The following SYT1 variants were observed in gnomAD, a reference collection of about 807,000 sequenced individuals.
SYT1 encodes the protein synaptotagmin-1.
In SYT1, 8 loss-of-function variants were observed where a neutral mutation model predicts 44.8. That is an observed-to-expected ratio of 0.18 (90% CI 0.10 to 0.32). The LOEUF is 0.32. Ranked by LOEUF, SYT1 falls within the 10% of genes least tolerant of loss-of-function variation. The pLI is 1.00. For synonymous variants in SYT1, 154 were observed against 188.8 expected, an observed-to-expected ratio of 0.82 and a Z score of 1.51; for missense variants, 286 against 509.3, an observed-to-expected ratio of 0.56 and a Z score of 4.22.
chr12:79,299,654 C>T lies in SYT1; in HGVS notation c.810+103C>T, dbSNP rs1362024325. On this transcript the variant is annotated intron_variant, in intron 8 of 10. Coordinates refer to ENST00000261205, the MANE Select transcript of SYT1 (RefSeq NM_005639.3). ...TACTCTTTACAAAGGGGGATGTGGG[C>T]CTCTAGTTGTTGACAGCTGATAAAA... 4.3e-6 allele frequency: 6 copies of T among 1,410,470 alleles called. No individual in the cohort carries two copies. The African/African-American group carries it at 7.3e-5, about 17-fold the overall frequency. The allele number at this position is 1,410,470 out of a possible 1,614,324, so 87.4% of individuals were successfully genotyped here.
intron 9 of SYT1, among the ~76,000 whole-genome samples, chr12:79,412,519 T>C (rs1868494243): frequency 6.6e-6 from 1 of 152,106 alleles, no homozygotes; most frequent in African/African-American, 2.4e-5. Flanking sequence ...CAGTTAATAA[T>C]TGCCTGACCA....
At chr12:78,876,852 T>TATGTATTAC (rs1449615253) in intron 1 of SYT1, among the ~76,000 whole-genome samples, 3,572 of 81,698 alleles carry the variant, frequency 0.044, 622 homozygotes, top group African/African-American at 0.07. Flanking sequence ...ATATATATTA[T>TATGTATTAC]ATATAATATA....
intron 3 of SYT1, among the ~76,000 whole-genome samples, chr12:79,139,365 G>C (rs981701289): frequency 2.0e-5 from 3 of 152,148 alleles, no homozygotes; most frequent in Non-Finnish European, 4.4e-5. Context: ...AGCACTGTCT[G>C]TTCCCTCAGT....
intron 4 of SYT1, among the ~76,000 whole-genome samples, chr12:79,223,768 C>G (rs1428888764): frequency 6.6e-6 from 1 of 152,138 alleles, no homozygotes; most frequent in African/African-American, 2.4e-5. Context: ...CCTCCTGGCA[C>G]CAGGGCAAGT....
chr12:78,952,095 TTGATCA>T (rs1418662361), intron 1 of SYT1, among the ~76,000 whole-genome samples: 4 of 152,114 alleles, frequency 2.6e-5, no homozygotes, highest in Non-Finnish European at 5.9e-5. Context: ...ATGAAGAAGC[TTGATCA>T]TTTACATTAG....
At chr12:79,401,013 TTAAA>T (rs1301932022) in intron 9 of SYT1, among the ~76,000 whole-genome samples, 2 of 152,194 alleles carry the variant, frequency 1.3e-5, no homozygotes, top group African/African-American at 4.8e-5. Context: ...CAATATGATC[TTAAA>T]TAAACCTTTT....
intron 2 of SYT1, among the ~76,000 whole-genome samples, chr12:79,046,666 T>G (rs2137763962): frequency 6.6e-6 from 1 of 152,222 alleles, no homozygotes; most frequent in East Asian, 1.9e-4. Context: ...GCTTGTAATA[T>G]ATACATATTT....
intron 3 of SYT1, chr12:79,103,040 A>G (rs1878526068): frequency 6.6e-6 from 1 of 152,204 alleles, no homozygotes; most frequent in Non-Finnish European, 1.5e-5. Flanking sequence ...ACACAGAGCC[A>G]TTTACCCCAG....
intron 3 of SYT1, among the ~76,000 whole-genome samples, chr12:79,138,431 G>T (rs757288608): frequency 3.9e-5 from 6 of 152,088 alleles, no homozygotes; most frequent in Non-Finnish European, 5.9e-5. Context: ...TTTCCCAAAG[G>T]CAGTAATAAC....
At chr12:79,005,361 A>G (rs1022177065) in intron 2 of SYT1, among the ~76,000 whole-genome samples, 1 of 151,946 alleles carries the variant, frequency 6.6e-6, no homozygotes, top group Non-Finnish European at 1.5e-5. Flanking sequence ...CATGGAATTT[A>G]AGGTCCCACA....
At chr12:79,381,166 ATAT>A (rs1395064428) in intron 9 of SYT1, among the ~76,000 whole-genome samples, 1 of 152,186 alleles carries the variant, frequency 6.6e-6, no homozygotes. Flanking sequence ...ATGGCCTACT[ATAT>A]TATTATGCTG....
In SYT1 at chr12:79,410,294, A is replaced by G. The variant is rs141252032; in HGVS notation, c.929-33779A>G. Reference sequence around the variant, plus strand: ...TACTAAAGAAATACCTTACTTGCCTATCCATCTATTGATTGTGTTGGAGTT... The same window carrying G: ...TACTAAAGAAATACCTTACTTGCCTGTCCATCTATTGATTGTGTTGGAGTT... On this transcript the variant is annotated intron_variant, in intron 9 of 10. Transcript: ENST00000261205. Among the ~76,000 whole-genome samples, 242 of 152,248 alleles carry G rather than the reference A, an allele frequency of 1.6e-3. 4 individuals carry two copies. The highest frequency in any genetic ancestry group is 5.6e-3 in the African/African-American group (231 of 41,556).
intron 9 of SYT1, among the ~76,000 whole-genome samples, chr12:79,425,946 C>T (rs1449513698): frequency 6.6e-6 from 1 of 152,074 alleles, no homozygotes; most frequent in Admixed American, 6.6e-5. Flanking sequence ...AATGGTAGCT[C>T]CTCTTAGAAT....
chr12:79,278,119 A>T (rs1163643539), intron 4 of SYT1, among the ~76,000 whole-genome samples: 1 of 152,154 alleles, frequency 6.6e-6, no homozygotes, highest in East Asian at 1.9e-4. Context: ...GCAGAAAGTC[A>T]ACAAGGGAGC....
At chr12:79,436,776 C>G (rs558312657) in intron 9 of SYT1, among the ~76,000 whole-genome samples, 1 of 152,102 alleles carries the variant, frequency 6.6e-6, no homozygotes, top group African/African-American at 2.4e-5. Flanking sequence ...AAGTGAATGG[C>G]CTTTCCAAAG....
intron 3 of SYT1, among the ~76,000 whole-genome samples, chr12:79,196,556 T>A (rs1873477466): frequency 6.6e-6 from 1 of 152,192 alleles, no homozygotes; most frequent in Admixed American, 6.5e-5. Context: ...GGAAAAGGAA[T>A]TAGTCCAACC....
Position 79,214,941 on chromosome 12 carries a change from A to ATGTGTG in SYT1, c.-17-2528_-17-2523dup, listed in dbSNP as rs71091652. Among the ~76,000 whole-genome samples the ATGTGTG allele has an allele frequency of 4.2e-4, 62 of 148,548 alleles. 1 individual carries two copies. The highest frequency in any genetic ancestry group is 2.2e-3 in the East Asian group (11 of 5,018). Reference sequence around the variant, plus strand: ...TACGTGCCTGTAATAATGTGTGTATATGTGTGTGTGTGTGTGTGTGTGTGT... The same window carrying ATGTGTG: ...TACGTGCCTGTAATAATGTGTGTATATGTGTGTGTGTGTGTGTGTGTGTGTGTGTGT... On this transcript the variant is annotated intron_variant, in intron 3 of 10. Transcript: ENST00000261205.
At chr12:79,064,926 G>GATAAAGAAAGAA (rs549891799) in intron 3 of SYT1, among the ~76,000 whole-genome samples, 2 of 111,454 alleles carry the variant, frequency 1.8e-5, no homozygotes, top group Admixed American at 2.0e-4. Flanking sequence ...AAAAAATAGA[G>GATAAAGAAAGAA]AGAAAGAAAG....
intron 3 of SYT1, among the ~76,000 whole-genome samples, chr12:79,071,414 A>C (rs1876266365): frequency 1.3e-5 from 2 of 152,198 alleles, no homozygotes; most frequent in African/African-American, 4.8e-5. Context: ...GTGCTAAAAG[A>C]GTACAAGGAA....
Sources: gnomAD v4.1 joint callset for allele counts (sites outside exome capture counted in the v4.1 genomes callset) on GRCh38, gnomAD v4.1.1 for gene constraint, MANE v1.5 for transcripts, NCBI Gene and HGNC (gene_info 2026-07-23, HGNC 2026-07-21) for gene names.